Variants in POLH observed in about 807,000 individuals in gnomAD.
POLH encodes the protein DNA polymerase eta.
Under a neutral mutation model 73.6 loss-of-function variants are expected in POLH, and 53 were observed. The ratio of observed to expected loss-of-function variants is 0.72; its 90% confidence interval spans 0.58 to 0.91. POLH has a LOEUF of 0.91. Among genes scored for constraint, POLH ranks in the 40% least tolerant of loss-of-function variants. The probability of loss-of-function intolerance (pLI) is 0.00; values close to 1 mark genes in which losing one functional copy is unlikely to be tolerated. For synonymous variants in POLH, 292 were observed against 308.5 expected, an observed-to-expected ratio of 0.95 and a Z score of 0.56; for missense variants, 768 against 865.4, an observed-to-expected ratio of 0.89 and a Z score of 1.41.
At position 43,617,865 on chromosome 6, in the gene POLH, A is replaced by G. The variant is rs1768452504; in HGVS notation, c.*3308A>G. The stretch of plus-strand genomic sequence containing the variant: ...GACCTGGGAGGCGGAGCTTGCAGTG[A>G]GCCCAGATCGTGCCACTGCACTGCA... On this transcript the variant is annotated 3_prime_UTR_variant, in exon 11 of 11. Coordinates refer to ENST00000372236, the MANE Select transcript of POLH (RefSeq NM_006502.3). Among the ~76,000 whole-genome samples, 1 of 152,078 alleles carries G rather than the reference A, an allele frequency of 6.6e-6. No homozygotes were observed. The highest frequency in any genetic ancestry group is 1.5e-5 in the Non-Finnish European group (1 of 68,012).
At chr6:43,609,264 C>T (rs1413159760) in intron 9 of POLH, among the ~76,000 whole-genome samples, 1 of 152,108 alleles carries the variant, frequency 6.6e-6, no homozygotes, top group Non-Finnish European at 1.5e-5. Flanking sequence ...AGGACCTGGA[C>T]TTTATTTTGT....
chr6:43,597,534 A>T (rs1249052428), intron 4 of POLH, among the ~76,000 whole-genome samples, 162 bp from the exon 5 acceptor site: 2 of 152,224 alleles, frequency 1.3e-5, no homozygotes, highest in Non-Finnish European at 2.9e-5. Flanking sequence ...ACTCTGAAGG[A>T]GAAATTGAGC....
rs1178124683 is a variant in POLH at position 43,603,891 on chromosome 6, G to A, written c.765-1G>A. The A allele has an allele frequency of 6.2e-7, 1 of 1,613,448 alleles. No homozygotes were observed. The highest frequency in any genetic ancestry group is 1.3e-5 in the African/African-American group (1 of 75,006). On this transcript the variant is annotated splice_acceptor_variant, in intron 6 of 10. Transcript: ENST00000372236. LOFTEE classifies it high-confidence loss of function. ...CAATTCTTTGTCTCCTTTGTTATCA[G>A]CCGTAGTCTTGGAGGAAAGCTAGGG...
rs1768437211 is a variant in POLH, at chr6:43,617,656, G to C, written c.*3099G>C. ...AAAAAATTCCCAATGTGGGCCGGGT[G>C]CAGTGGCTCATGCCTGTAATCCCAG... On this transcript the variant is annotated 3_prime_UTR_variant, in exon 11 of 11. Coordinates refer to ENST00000372236, the MANE Select transcript of POLH (RefSeq NM_006502.3). Among the ~76,000 whole-genome samples the C allele has an allele frequency of 6.6e-6, 1 of 151,892 alleles. No individual in the cohort carries two copies. The highest frequency in any genetic ancestry group is 2.4e-5 in the African/African-American group (1 of 41,372).
chr6:43,600,513 A>G (rs988613781), intron 5 of POLH, among the ~76,000 whole-genome samples: 1 of 152,228 alleles, frequency 6.6e-6, no homozygotes, highest in African/African-American at 2.4e-5. Context: ...TTTGAGCCCA[A>G]TCTCTATAAC....
chr6:43,579,163 C>T (rs1431671772), intron 1 of POLH, among the ~76,000 whole-genome samples: 1 of 152,232 alleles, frequency 6.6e-6, no homozygotes, highest in Non-Finnish European at 1.5e-5. Context: ...CAGAATCTCT[C>T]TCTGGCCTTC....
chr6:43,619,030 AT>A lies in POLH; in HGVS notation c.*4480del, dbSNP rs1339188665. Among the ~76,000 whole-genome samples the A allele has an allele frequency of 6.6e-6, 1 of 151,766 alleles. No homozygotes were observed. The highest frequency in any genetic ancestry group is 1.5e-5 in the Non-Finnish European group (1 of 67,974). On this transcript the variant is annotated 3_prime_UTR_variant, in exon 11 of 11. Transcript: ENST00000372236. The stretch of plus-strand genomic sequence containing the variant: ...TGAAAACCACTAGATTTACCAGGAA[AT>A]TTTTTTCTTCAAAAATATTTTCTGC...
At chr6:43,580,898 C>G (rs1237774311) in intron 1 of POLH, among the ~76,000 whole-genome samples, 1 of 150,376 alleles carries the variant, frequency 6.6e-6, no homozygotes, top group Non-Finnish European at 1.5e-5. Context: ...AGGGCTGACC[C>G]CCCCACCTCC....
At chr6:43,583,181 G>A (rs202246592) in intron 3 of POLH, 40 bp downstream of exon 3, 23 of 1,576,012 alleles carry the variant, frequency 1.5e-5, no homozygotes, top group East Asian at 2.2e-5. Context: ...TAAAGGAGTC[G>A]AAAATAATAC....
At chr6:43,606,691 A>T (rs1468567262) in intron 9 of POLH, among the ~76,000 whole-genome samples, 1 of 152,142 alleles carries the variant, frequency 6.6e-6, no homozygotes, top group Non-Finnish European at 1.5e-5. Context: ...GGCCTCCCAA[A>T]GTGCTGGGAT....
intron 6 of POLH, among the ~76,000 whole-genome samples, chr6:43,601,869 C>T (rs1582304874): frequency 6.6e-6 from 1 of 152,038 alleles, no homozygotes; most frequent in Non-Finnish European, 1.5e-5. Flanking sequence ...ACCAGCCTGG[C>T]CAACATGGTG....
At chr6:43,582,633 C>T (rs867526921) in intron 2 of POLH, among the ~76,000 whole-genome samples, 177 bp downstream of exon 2, 4 of 152,078 alleles carry the variant, frequency 2.6e-5, no homozygotes, top group Non-Finnish European at 4.4e-5. Flanking sequence ...AGTGATCATC[C>T]CTCTTCAGTC....
rs750532920 is a variant in POLH at position 43,582,446 on chromosome 6, A to G, written c.127A>G (p.Lys43Glu). Residue 43 changes from lysine to glutamate, a missense_variant, in exon 2 of 11, where the codon AAG becomes GAG. Lys to Glu is a moderately conservative substitution (Grantham distance 56). Transcript: ENST00000372236. ...TGCAGTTGTACAGTACAAATCATGG[A>G]AGGGTGGTGGGTATGTATCATTGTT... ...PCAVVQYKSW[K>E]GGGIIAVSYE... 6.2e-7 allele frequency: 1 copy of G among 1,613,720 alleles called. No homozygotes were observed. The highest frequency in any genetic ancestry group is 1.7e-5 in the Admixed American group (1 of 59,994).
intron 7 of POLH, 75 bp downstream of exon 7, chr6:43,604,086 TA>T (rs1463824313): frequency 3.3e-6 from 4 of 1,196,146 alleles, no homozygotes; most frequent in Non-Finnish European, 5.0e-6. Context: ...AACCATCTAG[TA>T]AAATCCAGAC....
chr6:43,612,547 A>G (rs568479888), intron 10 of POLH, among the ~76,000 whole-genome samples: 255 of 152,088 alleles, frequency 1.7e-3, no homozygotes, highest in Non-Finnish European at 3.2e-3. Context: ...GGGTTTCTCC[A>G]TGTTGGCCAG....
chr6:43,589,167 A>T (rs1030255563), intron 4 of POLH, among the ~76,000 whole-genome samples: 2 of 152,092 alleles, frequency 1.3e-5, no homozygotes, highest in Non-Finnish European at 2.9e-5. Flanking sequence ...TTCCTTCAGT[A>T]ATGACCTTAG....
chr6:43,601,704 G>A (rs1008888735), intron 6 of POLH, among the ~76,000 whole-genome samples: 22 of 152,218 alleles, frequency 1.4e-4, no homozygotes, highest in South Asian at 2.1e-4. Context: ...TGGGTGGATC[G>A]CTTGAGCCCA....
chr6:43,613,850 T>A lies in POLH; in HGVS notation c.1435T>A (p.Ser479Thr). 1 of 1,614,162 alleles carries A rather than the reference T, an allele frequency of 6.2e-7. No homozygotes were observed. Among genetic ancestry groups the A allele is most frequent in the Non-Finnish European group, 8.5e-7 (1 of 1,180,024 alleles). ...AVTATKKATT[S>T]LESFFQKAAE... is the part of the protein sequence containing the mutation. ...GACAGCCACTAAGAAAGCAACCACG[T>A]CTCTGGAATCATTCTTCCAAAAAGC... The change falls in exon 11 of 11, where the codon TCT (serine) becomes ACT (threonine). Residue 479 changes from serine (S) to threonine (T), a missense_variant. Ser to Thr is a moderately conservative substitution (Grantham distance 58). Coordinates refer to ENST00000372236, the MANE Select transcript of POLH (RefSeq NM_006502.3).
rs1174890016 is a variant in POLH, at chr6:43,618,077, C to A, written c.*3520C>A. 6.6e-6 allele frequency among the ~76,000 whole-genome samples: 1 copy of A among 152,088 alleles called. No individual in the cohort carries two copies. The highest frequency in any genetic ancestry group is 1.5e-5 in the Non-Finnish European group (1 of 68,022). ...AGGGTTACTGGCTTGTTCATCTTTC[C>A]CACTGAGTGTAAATATTTAGCTTAG... On this transcript the variant is annotated 3_prime_UTR_variant, in exon 11 of 11. Transcript: ENST00000372236.
Sources: allele counts gnomAD v4.1 joint callset (sites outside exome capture counted in the v4.1 genomes callset), GRCh38; gene constraint gnomAD v4.1.1; transcripts MANE v1.5; gene names NCBI Gene and HGNC (gene_info 2026-07-23, HGNC 2026-07-21).